The following JAKMIP3 variants were observed in gnomAD, a reference collection of about 807,000 sequenced individuals.
JAKMIP3 encodes the protein janus kinase and microtubule-interacting protein 3.
A neutral mutation model predicts 118.5 loss-of-function variants in JAKMIP3; 58 were observed. The observed-to-expected ratio is 0.49, with a 90% CI of 0.40 to 0.61. The LOEUF (loss-of-function observed/expected upper bound fraction) is 0.61. Among genes scored for constraint, JAKMIP3 ranks in the 20% least tolerant of loss-of-function variants. JAKMIP3 has a pLI of 0.00. For missense variants in JAKMIP3, 950 were observed against 1,109.0 expected (o/e 0.86, Z 2.04); for synonymous variants, 486 against 451.2 (o/e 1.08, Z -0.98).
At chr10:132,164,827 T>C (rs1393233114) in intron 21 of JAKMIP3, 92 bp downstream of exon 21, 11 of 869,440 alleles carry the variant, frequency 1.3e-5, no homozygotes, top group East Asian at 2.4e-5. Flanking sequence ...CTCCAGGCCG[T>C]TGGGGCAGCA....
chr10:132,184,292 G>A lies in JAKMIP3; in HGVS notation c.*3039G>A, dbSNP rs572571681. 1 of 152,142 alleles carries A rather than the reference G, an allele frequency of 6.6e-6. No individual in the cohort carries two copies. The highest frequency in any genetic ancestry group is 1.5e-5 in the Non-Finnish European group (1 of 68,032). The allele number at this position is 152,142 out of a possible 1,614,324, so 9.4% of individuals were successfully genotyped here. On this transcript the variant is annotated 3_prime_UTR_variant, in exon 24 of 24. Transcript: ENST00000684848. ...GAATCTGTAGCCTTCAGGATACCCCGAGTGCCTTACAGGGCTTGTGAACAC... is the reference window on the plus strand; with the variant it reads ...GAATCTGTAGCCTTCAGGATACCCCAAGTGCCTTACAGGGCTTGTGAACAC...
At chr10:132,137,911 AT>A (rs1427904796) in intron 8 of JAKMIP3, among the ~76,000 whole-genome samples, 1 of 152,116 alleles carries the variant, frequency 6.6e-6, no homozygotes, top group Non-Finnish European at 1.5e-5. Flanking sequence ...AGCCCACCTA[AT>A]TGGGGAGCCG....
intron 23 of JAKMIP3, among the ~76,000 whole-genome samples, chr10:132,175,873 G>T (rs2060095563): frequency 6.6e-6 from 1 of 152,182 alleles, no homozygotes; most frequent in Non-Finnish European, 1.5e-5. Flanking sequence ...CAGTGAAATT[G>T]TTTTCTTACT....
intron 3 of JAKMIP3, among the ~76,000 whole-genome samples, chr10:132,126,302 CT>C (rs780754000): frequency 0.06 from 8,425 of 139,774 alleles, 412 homozygotes; most frequent in African/African-American, 0.13. Flanking sequence ...TTTGGCAATA[CT>C]TTTTTTTTTT....
chr10:132,048,759 C>T (rs2038010416), intron 1 of JAKMIP3, among the ~76,000 whole-genome samples: 1 of 149,496 alleles, frequency 6.7e-6, no homozygotes, highest in Non-Finnish European at 1.5e-5. Context: ...GGCTCAGCCT[C>T]CTGAGTAGCT....
intron 1 of JAKMIP3, among the ~76,000 whole-genome samples, chr10:132,101,131 A>G (rs1244173535): frequency 6.6e-6 from 1 of 151,946 alleles, no homozygotes; most frequent in Non-Finnish European, 1.5e-5. Flanking sequence ...GGAGCTGGGC[A>G]CTCCCAGGCC....
In JAKMIP3 at chr10:132,118,437, G is replaced by A. The variant is rs1353498792; in HGVS notation, c.633+863G>A. On this transcript the variant is annotated intron_variant, in intron 3 of 23. Coordinates refer to ENST00000684848, the MANE Select transcript of JAKMIP3 (RefSeq NM_001323087.2). This position sits in a 1 kb window ranked among gnomAD's most constrained non-coding sequence, Gnocchi z 4.8. The stretch of plus-strand genomic sequence containing the variant: ...CCAGCCCTGTGCCTCTTCAGGACCC[G>A]GAGCCCCGGGCACCTTGGGTGGGAT... Among the ~76,000 whole-genome samples, 5 of 152,160 alleles carry A rather than the reference G, an allele frequency of 3.3e-5. No individual in the cohort carries two copies. In the East Asian group the frequency reaches 5.8e-4, roughly 18 times the overall value.
intron 1 of JAKMIP3, among the ~76,000 whole-genome samples, chr10:132,054,707 G>A (rs1046698407): frequency 6.6e-6 from 1 of 152,234 alleles, no homozygotes; most frequent in African/African-American, 2.4e-5. Flanking sequence ...AGACTAAGGT[G>A]TGGTCAGTGA....
At chr10:132,159,824 G>A (rs868848232) in intron 19 of JAKMIP3, among the ~76,000 whole-genome samples, 5 of 75,556 alleles carry the variant, frequency 6.6e-5, no homozygotes, top group Non-Finnish European at 9.4e-5. Context: ...GATGCTGGGG[G>A]GCCTCTCCCT....
chr10:132,140,597 CCGGG>C lies in JAKMIP3; in HGVS notation c.1473+19_1473+22del. On this transcript the variant is annotated intron_variant, in intron 10 of 23. Transcript: ENST00000684848. Reference sequence around the variant, plus strand: ...TGGAGGAGGTAACGAGGGTCTCCTGCCGGGTCCTGGGCTTGGAGGAGGTAACGAG... The same window carrying C: ...TGGAGGAGGTAACGAGGGTCTCCTGCTCCTGGGCTTGGAGGAGGTAACGAG... 1.4e-6 allele frequency: 2 copies of C among 1,397,434 alleles called. No individual in the cohort carries two copies. Among genetic ancestry groups the C allele is most frequent in the South Asian group, 1.3e-5 (1 of 75,664 alleles). The allele number at this position is 1,397,434 out of a possible 1,614,324, so 86.6% of individuals were successfully genotyped here.
chr10:132,087,956 T>C (rs1470907607), intron 1 of JAKMIP3, among the ~76,000 whole-genome samples: 1 of 152,052 alleles, frequency 6.6e-6, no homozygotes, highest in African/African-American at 2.4e-5. Flanking sequence ...GAACATGCAG[T>C]GTTTAGTTTT....
chr10:132,153,816 G>A lies in JAKMIP3; in HGVS notation c.2131G>A (p.Glu711Lys), dbSNP rs1330005653. Residue 711 changes from glutamate to lysine, a missense_variant, in exon 18 of 24, where the codon GAG becomes AAG. Glu to Lys is a moderately conservative substitution (Grantham distance 56). Coordinates refer to ENST00000684848, the MANE Select transcript of JAKMIP3 (RefSeq NM_001323087.2). The part of the protein sequence containing the change: ...AALQRKMVDL[E>K]SEKELFSKQK... ...GCTGCAGCGGAAGATGGTGGATCTG[G>A]AGAGCGAGAAGGTTGGTGGCACCTT... The A allele has an allele frequency of 6.2e-7, 1 of 1,613,138 alleles. No individual in the cohort carries two copies. Among genetic ancestry groups the A allele is most frequent in the Non-Finnish European group, 8.5e-7 (1 of 1,179,862 alleles).
chr10:132,124,498 G>A (rs1289887958), intron 3 of JAKMIP3, among the ~76,000 whole-genome samples: 1 of 148,390 alleles, frequency 6.7e-6, no homozygotes, highest in African/African-American at 2.4e-5. Context: ...CACATCCATT[G>A]CCACGCGGTC....
In JAKMIP3 at chr10:132,097,980, C is replaced by CTTTCCA. The variant is rs2044244168; in HGVS notation, c.-137-6690_-137-6689insTCCATT. The stretch of plus-strand genomic sequence containing the variant: ...CTTTCCCTTTCCTTCCTTTTCTCCC[C>CTTTCCA]TTCCCCTTCCCCTTCCCCTTCCCCT... On this transcript the variant is annotated intron_variant, in intron 1 of 23. Coordinates refer to ENST00000684848, the MANE Select transcript of JAKMIP3 (RefSeq NM_001323087.2). Among the ~76,000 whole-genome samples, 2 of 68,124 alleles carry CTTTCCA rather than the reference C, an allele frequency of 2.9e-5. 1 individual carries two copies. 44.7% of individuals were successfully genotyped at this position (68,124 alleles called of 152,430 possible).
intron 23 of JAKMIP3, among the ~76,000 whole-genome samples, chr10:132,180,638 C>CGT (rs1211080980): frequency 0.029 from 271 of 9,340 alleles, 42 homozygotes; most frequent in African/African-American, 0.07. Context: ...TGTGTGCGTG[C>CGT]GTGTGTGCGT....
intron 14 of JAKMIP3, among the ~76,000 whole-genome samples, 165 bp downstream of exon 14, chr10:132,148,215 T>G (rs1285344693): frequency 6.6e-6 from 1 of 152,120 alleles, no homozygotes; most frequent in Non-Finnish European, 1.5e-5. Flanking sequence ...CCGCCACCTC[T>G]TCATACCGGC....
chr10:132,078,623 G>GC (rs1564873611), intron 1 of JAKMIP3, among the ~76,000 whole-genome samples: 1 of 95,800 alleles, frequency 1.0e-5, no homozygotes, highest in Non-Finnish European at 1.9e-5. Context: ...TGGGGGCGGG[G>GC]GGGGGGGGGG....
chr10:132,166,747 C>G (rs1322453722), intron 21 of JAKMIP3, among the ~76,000 whole-genome samples: 1 of 152,168 alleles, frequency 6.6e-6, no homozygotes, highest in Non-Finnish European at 1.5e-5. Flanking sequence ...CGCCCACCAC[C>G]CGCATCTGCC....
chr10:132,070,303 A>G (rs2039632685), intron 1 of JAKMIP3, among the ~76,000 whole-genome samples: 1 of 152,070 alleles, frequency 6.6e-6, no homozygotes, highest in Non-Finnish European at 1.5e-5. Flanking sequence ...GTCCGCCACC[A>G]CACCCGGCTA....
Sources: allele counts gnomAD v4.1 joint callset (sites outside exome capture counted in the v4.1 genomes callset), GRCh38; gene constraint gnomAD v4.1.1; non-coding constraint Gnocchi (gnomAD v3.1); transcripts MANE v1.5; gene names NCBI Gene and HGNC (gene_info 2026-07-23, HGNC 2026-07-21).